CNST: variants seen among roughly 807,000 people sequenced by gnomAD.
CNST encodes consortin.
In CNST, 39 loss-of-function variants were observed where a neutral mutation model predicts 72.4. The observed-to-expected ratio is 0.54, with a 90% CI of 0.42 to 0.70. The LOEUF (loss-of-function observed/expected upper bound fraction) is 0.70. Among genes scored for constraint, CNST ranks in the 30% least tolerant of loss-of-function variants. The probability of loss-of-function intolerance (pLI) is 0.00; values close to 1 mark genes in which losing one functional copy is unlikely to be tolerated. For synonymous variants in CNST, 332 were observed against 320.1 expected (o/e 1.04, Z -0.40); for missense variants, 871 against 868.5 (o/e 1.00, Z -0.04).
chr1:246,612,050 A>G (rs1663352909), intron 2 of CNST, among the ~76,000 whole-genome samples: 1 of 152,246 alleles, frequency 6.6e-6, no homozygotes, highest in Admixed American at 6.5e-5. Flanking sequence ...AGAATTGGCA[A>G]ATTCACAGAG....
intron 9 of CNST, among the ~76,000 whole-genome samples, chr1:246,655,873 GAT>G (rs1666744476): frequency 6.6e-6 from 1 of 152,136 alleles, no homozygotes; most frequent in African/African-American, 2.4e-5. Context: ...AATTAAATAT[GAT>G]ATAGTATGTA....
chr1:246,592,068 C>G (rs1222185175), intron 2 of CNST, 127 bp downstream of exon 2: 1 of 716,354 alleles, frequency 1.4e-6, no homozygotes, highest in South Asian at 1.9e-5. Flanking sequence ...CTAGTTCCGC[C>G]GCAGCACAAG....
Position 246,665,865 on chromosome 1 carries a change from A to G in CNST, c.2138A>G (p.Gln713Arg). Reference protein sequence around the residue: ...NMDFYYTKLLQGVAELKHWIY... With the variant: ...NMDFYYTKLLRGVAELKHWIY... ...GACTTCTATTACACTAAGTTACTTC[A>G]GGGAGTGGCAGAACTGAAGCACTGG... Residue 713 changes from glutamine (Q) to arginine (R), a missense_variant, in exon 11 of 11, where the codon CAG becomes CGG. Physicochemically the swap from Gln to Arg is conservative, Grantham distance 43. Transcript: ENST00000366513. The G allele has an allele frequency of 6.2e-7, 1 of 1,613,916 alleles. No individual in the cohort carries two copies.
At chr1:246,613,396 G>A (rs895131198) in intron 2 of CNST, among the ~76,000 whole-genome samples, 3 of 152,024 alleles carry the variant, frequency 2.0e-5, no homozygotes, top group African/African-American at 4.8e-5. Flanking sequence ...AGAAAAGGTG[G>A]ATGGTTCACT....
In CNST at chr1:246,660,221, T is replaced by C. The variant is rs1667015179; in HGVS notation, c.1859T>C (p.Val620Ala). The C allele has an allele frequency of 6.2e-7, 1 of 1,611,444 alleles. No individual in the cohort carries two copies. The highest frequency in any genetic ancestry group is 1.3e-5 in the African/African-American group (1 of 74,788). ...IAEVVPTEGL[V>A]SILKKRNDTV... The stretch of plus-strand genomic sequence containing the variant: ...CAGGTTGTTCCTACTGAAGGATTGG[T>C]CTCCATATTAAAGAAGAGGAATGAT... The change falls in exon 10 of 11, where the codon GTC becomes GCC. Residue 620 changes from valine (V) to alanine (A), a missense_variant. Coordinates refer to ENST00000366513, the MANE Select transcript of CNST (RefSeq NM_152609.3).
rs145590970 is a variant in CNST at position 246,574,908 on chromosome 1, A to G, written c.-52+8245A>G. ...ATTTTATTTAAAACAAAAATAATTT[A>G]ATAGATTATGAAGGAAAGTCATAGT... On this transcript the variant is annotated intron_variant, in intron 1 of 10. Transcript: ENST00000366513. 2.8e-3 allele frequency among the ~76,000 whole-genome samples: 428 copies of G among 152,150 alleles called. 3 individuals carry two copies. Among genetic ancestry groups the G allele is most frequent in the East Asian group, 0.019 (98 of 5,192 alleles).
intron 10 of CNST, among the ~76,000 whole-genome samples, chr1:246,661,332 A>G (rs1166449473): frequency 2.0e-5 from 3 of 152,068 alleles, no homozygotes; most frequent in Non-Finnish European, 4.4e-5. Flanking sequence ...TGGCCAGGCT[A>G]GTCTCGAACT....
intron 1 of CNST, among the ~76,000 whole-genome samples, chr1:246,588,124 T>C (rs1457195020): frequency 2.6e-5 from 4 of 152,106 alleles, no homozygotes; most frequent in African/African-American, 9.7e-5. Context: ...ACTAAATCTT[T>C]ATGAAATTAT....
rs1272894259 is a variant in CNST, at chr1:246,666,859, A to G, written c.*954A>G. The stretch of plus-strand genomic sequence containing the variant: ...GTAGGTGTTTTAATCCTGGTCTTAT[A>G]TAGAATAAACCAGTACTTTGCTGAG... On this transcript the variant is annotated 3_prime_UTR_variant, in exon 11 of 11. Transcript: ENST00000366513. 6.6e-6 allele frequency: 1 copy of G among 152,232 alleles called. No individual in the cohort carries two copies. The highest frequency in any genetic ancestry group is 1.5e-5 in the Non-Finnish European group (1 of 68,036). 9.4% of individuals were successfully genotyped at this position (152,232 alleles called of 1,614,324 possible).
intron 9 of CNST, among the ~76,000 whole-genome samples, chr1:246,650,695 T>TG (rs1553386053): frequency 6.2e-4 from 93 of 150,704 alleles, no homozygotes; most frequent in Non-Finnish European, 6.5e-4. Context: ...TTTTTTTTTT[T>TG]GATACAGAGT....
At chr1:246,619,984 A>C (rs3129551) in intron 2 of CNST, among the ~76,000 whole-genome samples, 12,920 of 39,314 alleles carry the variant, frequency 0.33, 3,587 homozygotes, top group Admixed American at 0.41. Flanking sequence ...GGGCTCTGGG[A>C]ACACTCTACA....
intron 9 of CNST, among the ~76,000 whole-genome samples, chr1:246,652,970 C>G (rs1260166205): frequency 6.6e-6 from 1 of 151,044 alleles, no homozygotes; most frequent in Admixed American, 6.6e-5. Context: ...CACCACTGCA[C>G]TCCAGCCTGG....
intron 2 of CNST, among the ~76,000 whole-genome samples, chr1:246,601,743 G>A (rs546166481): frequency 3.3e-5 from 5 of 152,256 alleles, no homozygotes; most frequent in East Asian, 1.9e-4. Flanking sequence ...GCAGTGAGCC[G>A]AGATCATGCC....
At chr1:246,611,320 T>C (rs1204692997) in intron 2 of CNST, among the ~76,000 whole-genome samples, 2 of 152,160 alleles carry the variant, frequency 1.3e-5, no homozygotes, top group African/African-American at 4.8e-5. Context: ...GAAAGTTACA[T>C]CTTATAGTTC....
chr1:246,664,034 T>A (rs1022426903), intron 10 of CNST, among the ~76,000 whole-genome samples: 1 of 152,232 alleles, frequency 6.6e-6, no homozygotes, highest in Admixed American at 6.5e-5. Flanking sequence ...TTGTAAAATT[T>A]GTTTCTTGTA....
intron 2 of CNST, among the ~76,000 whole-genome samples, chr1:246,603,742 A>G (rs115183373): frequency 0.015 from 2,265 of 152,324 alleles, 20 homozygotes; most frequent in Middle Eastern, 0.027. Flanking sequence ...ATGGACAGCA[A>G]GTAGATGAGT....
At chr1:246,578,726 A>G (rs1348833031) in intron 1 of CNST, among the ~76,000 whole-genome samples, 3 of 152,062 alleles carry the variant, frequency 2.0e-5, no homozygotes, top group Non-Finnish European at 4.4e-5. Context: ...GCTAAATAGT[A>G]TTATTACAAT....
At chr1:246,570,052 G>A in intron 1 of CNST, 1 of 340,988 alleles carries the variant, frequency 2.9e-6, no homozygotes, top group South Asian at 1.2e-4. Context: ...CCAAGGGAAA[G>A]ATCAAATCTT....
intron 2 of CNST, among the ~76,000 whole-genome samples, chr1:246,617,447 T>A (rs542087333): frequency 6.6e-6 from 1 of 152,254 alleles, no homozygotes. Flanking sequence ...TTACCACTCT[T>A]GTGACCTTTT....
Sources: allele counts gnomAD v4.1 joint callset (sites outside exome capture counted in the v4.1 genomes callset), GRCh38; gene constraint gnomAD v4.1.1; transcripts MANE v1.5; gene names NCBI Gene and HGNC (gene_info 2026-07-23, HGNC 2026-07-21).